DST: variants seen among roughly 807,000 people sequenced by gnomAD.
DST encodes the protein dystonin.
In DST, 253 loss-of-function variants were observed where a neutral mutation model predicts 875.2. The ratio of observed to expected loss-of-function variants is 0.29; its 90% CI spans 0.26 to 0.32. The LOEUF (loss-of-function observed/expected upper bound fraction) is 0.32. Among genes scored for constraint, DST ranks in the 10% least tolerant of loss-of-function variants. The pLI, the probability that DST is intolerant of heterozygous loss-of-function variation, is 1.00. For synonymous variants in DST, 3,124 were observed against 3,197.1 expected, an observed-to-expected ratio of 0.98 and a Z score of 0.77; for missense variants, 8,287 against 9,111.6, an observed-to-expected ratio of 0.91 and a Z score of 3.68.
At chr6:56,463,260 T>C (rs949283336) in intron 101 of DST, 104 bp from the exon 102 acceptor site, 2 of 683,110 alleles carry the variant, frequency 2.9e-6, no homozygotes, top group African/African-American at 3.6e-5. Context: ...ACAGTAAGAA[T>C]AATAATTTAA....
intron 9 of DST, among the ~76,000 whole-genome samples, chr6:56,694,712 G>C (rs1480614804): frequency 1.3e-5 from 2 of 152,134 alleles, no homozygotes; most frequent in Admixed American, 1.3e-4. Context: ...ATTCCATGTT[G>C]AAAATGTGAC....
At chr6:56,568,335 G>A in intron 55 of DST, 134 bp downstream of exon 55, 5 of 893,554 alleles carry the variant, frequency 5.6e-6, no homozygotes, top group Non-Finnish European at 6.6e-6. Flanking sequence ...GCTTACAGAT[G>A]CCATGTTTCT....
intron 4 of DST, among the ~76,000 whole-genome samples, chr6:56,789,325 C>A (rs114926624): frequency 6.4e-4 from 97 of 152,116 alleles, no homozygotes; most frequent in African/African-American, 2.3e-3. Flanking sequence ...CACAGTGAAA[C>A]CCTGCACCTA....
At chr6:56,776,860 G>A (rs78837038) in intron 4 of DST, among the ~76,000 whole-genome samples, 4,342 of 152,096 alleles carry the variant, frequency 0.029, 214 homozygotes, top group African/African-American at 0.098. Context: ...TAGCATTACC[G>A]AAGCAAATTG....
In DST at chr6:56,603,971, C is replaced by T; in HGVS notation, c.10657G>A (p.Glu3553Lys). 1 of 1,610,536 alleles carries T rather than the reference C, an allele frequency of 6.2e-7. No individual in the cohort carries two copies. Among genetic ancestry groups the T allele is most frequent in the Non-Finnish European group, 8.5e-7 (1 of 1,178,132 alleles). Residue 3553 changes from glutamate (E) to lysine (K), a missense_variant, in exon 40 of 104, where the codon GAA (glutamate) becomes AAA (lysine). Coordinates refer to ENST00000680361, the MANE Select transcript of DST (RefSeq NM_001374736.1). ...NLETVKEIGL[E>K]SSTVWASTLP... Reference sequence around the variant, plus strand: ...GTTGATGCCCACACAGTAGAGCTTTCTAGTCCAATTTCTTTTACAGTTTCT... The same window carrying T: ...GTTGATGCCCACACAGTAGAGCTTTTTAGTCCAATTTCTTTTACAGTTTCT...
chr6:56,460,521 G>A (rs1207493818), intron 102 of DST: 1 of 304,120 alleles, frequency 3.3e-6, no homozygotes, highest in East Asian at 5.9e-5. Flanking sequence ...CCCCAAAACT[G>A]AGCATAAAAG....
intron 36 of DST, chr6:56,619,019 A>T: frequency 1.2e-6 from 2 of 1,614,172 alleles, no homozygotes; most frequent in Non-Finnish European, 1.7e-6. Flanking sequence ...CTGGATGATA[A>T]TGTTCTGTTG....
At chr6:56,816,023 T>C (rs1349752608) in intron 4 of DST, among the ~76,000 whole-genome samples, 2 of 152,198 alleles carry the variant, frequency 1.3e-5, no homozygotes, top group Admixed American at 1.3e-4. Context: ...TCTACTTTTC[T>C]TTCTTCCTCC....
At chr6:56,801,313 C>T (rs1274356815) in intron 4 of DST, among the ~76,000 whole-genome samples, 1 of 152,130 alleles carries the variant, frequency 6.6e-6, no homozygotes, top group Non-Finnish European at 1.5e-5. Context: ...TGTTTAAGCA[C>T]GGTCATTTGT....
intron 9 of DST, chr6:56,692,843 C>T (rs947694893): frequency 1.2e-5 from 16 of 1,289,706 alleles, no homozygotes; most frequent in African/African-American, 1.5e-5. Flanking sequence ...CTGTCAGCTA[C>T]AACTTCTGTC....
intron 7 of DST, among the ~76,000 whole-genome samples, chr6:56,702,649 G>C (rs2099314504): frequency 6.6e-6 from 1 of 152,142 alleles, no homozygotes; most frequent in Non-Finnish European, 1.5e-5. Context: ...TATTTTCTCA[G>C]TCTCAGGAAA....
At chr6:56,717,933 C>T (rs1417308874) in intron 5 of DST, among the ~76,000 whole-genome samples, 1 of 152,092 alleles carries the variant, frequency 6.6e-6, no homozygotes, top group East Asian at 1.9e-4. Context: ...TATTGCAATT[C>T]CCCTGCCTTG....
chr6:56,546,649 C>T (rs962559330), intron 61 of DST, among the ~76,000 whole-genome samples: 5 of 151,956 alleles, frequency 3.3e-5, no homozygotes, highest in South Asian at 2.1e-4. Flanking sequence ...CACTTAAAAT[C>T]GTAGCATTTC....
At chr6:56,646,267 T>C (rs1332633026) in intron 13 of DST, 85 bp from the exon 14 acceptor site, 14 of 720,260 alleles carry the variant, frequency 1.9e-5, no homozygotes, top group Admixed American at 3.2e-5. Context: ...TCAAGTGTTA[T>C]GTACTGTATC....
intron 59 of DST, 48 bp from the exon 60 acceptor site, chr6:56,555,888 T>C (rs959438414): frequency 1.4e-6 from 2 of 1,406,932 alleles, no homozygotes; most frequent in Admixed American, 3.0e-5. Context: ...TAATTGATTG[T>C]AGAAAACACA....
At chr6:56,686,813 C>T (rs1276353385) in intron 9 of DST, among the ~76,000 whole-genome samples, 1 of 152,174 alleles carries the variant, frequency 6.6e-6, no homozygotes, top group South Asian at 2.1e-4. Context: ...CAAAGTATTT[C>T]CTCTTTTCTC....
At chr6:56,773,005 T>C in intron 4 of DST, among the ~76,000 whole-genome samples, 1 of 152,124 alleles carries the variant, frequency 6.6e-6, no homozygotes, top group Non-Finnish European at 1.5e-5. Context: ...GAGCATGCTG[T>C]GGCTTCTGGC....
At chr6:56,549,828 C>T (rs902442952) in intron 61 of DST, among the ~76,000 whole-genome samples, 1 of 151,994 alleles carries the variant, frequency 6.6e-6, no homozygotes, top group Non-Finnish European at 1.5e-5. Context: ...TTAGAAAATC[C>T]CCCAGAGAAA....
At chr6:56,635,512 A>G in intron 24 of DST, 77 bp downstream of exon 24, 1 of 1,438,980 alleles carries the variant, frequency 6.9e-7, no homozygotes, top group Non-Finnish European at 9.7e-7. Context: ...CCAATAAAAT[A>G]CAAAGTTCTG....
Sources: gnomAD v4.1 joint callset for allele counts (sites outside exome capture counted in the v4.1 genomes callset) on GRCh38, gnomAD v4.1.1 for gene constraint, MANE v1.5 for transcripts, NCBI Gene and HGNC (gene_info 2026-07-23, HGNC 2026-07-21) for gene names.